Variants in ATP2C1 observed in about 807,000 individuals in gnomAD.
ATP2C1 encodes the protein calcium-transporting ATPase type 2C member 1.
A neutral mutation model predicts 120.5 loss-of-function variants in ATP2C1; 31 were observed. The ratio of observed to expected loss-of-function variants is 0.26; its 90% confidence interval spans 0.19 to 0.35. The LOEUF is 0.35. Among genes scored for constraint, ATP2C1 ranks in the 10% least tolerant of loss-of-function variants. The probability of loss-of-function intolerance (pLI) is 1.00; values close to 1 mark genes in which losing one functional copy is unlikely to be tolerated. For missense variants in ATP2C1, 731 were observed against 1,107.5 expected, an observed-to-expected ratio of 0.66 and a Z score of 4.83; for synonymous variants, 351 against 358.7, an observed-to-expected ratio of 0.98 and a Z score of 0.24.
chr3:130,962,690 G>C (rs1336692091), intron 12 of ATP2C1, among the ~76,000 whole-genome samples: 1 of 136,660 alleles, frequency 7.3e-6, no homozygotes, highest in African/African-American at 2.8e-5. Context: ...AAGTGATAAT[G>C]CCTGTTTTTC....
At chr3:130,991,558 A>C (rs1228335234) in intron 20 of ATP2C1, among the ~76,000 whole-genome samples, 1 of 152,198 alleles carries the variant, frequency 6.6e-6, no homozygotes, top group South Asian at 2.1e-4. Context: ...AAAAAAAATA[A>C]AGAAAAAAAA....
exon 27 of ATP2C1, chr3:131,016,158 C>T (rs2063624222): frequency 6.2e-7 from 1 of 1,613,724 alleles, no homozygotes; most frequent in African/African-American, 1.3e-5. Context: ...TTAGGTCTGG[C>T]TCTGGGAGAG....
At chr3:130,985,702 A>C (rs1348445395) in intron 20 of ATP2C1, among the ~76,000 whole-genome samples, 2 of 152,012 alleles carry the variant, frequency 1.3e-5, no homozygotes, top group Admixed American at 6.6e-5. Flanking sequence ...AAACCTAAAA[A>C]GAAAATATGA....
At chr3:130,951,798 A>G (rs949446862) in intron 8 of ATP2C1, among the ~76,000 whole-genome samples, 3 of 152,176 alleles carry the variant, frequency 2.0e-5, no homozygotes, top group Admixed American at 1.3e-4. Flanking sequence ...TATTTTAAAG[A>G]ATAATTTTTG....
In ATP2C1 at chr3:130,930,517, C is replaced by T. The variant is rs775265411; in HGVS notation, c.108C>T (p.Ser36=). Reference sequence around the variant, plus strand: ...AATTACCAGTCAGTGAAGTTGCAAGCATTCTCCAAGTAAGTGGTTAGTGGG... The same window carrying T: ...AATTACCAGTCAGTGAAGTTGCAAGTATTCTCCAAGTAAGTGGTTAGTGGG... The part of the protein sequence containing the change: ...ASELPVSEVA[S]ILQADLQNGL... The change falls in exon 3 of 28, where the codon AGC becomes AGT. Residue 36 remains serine, a synonymous_variant. Coordinates refer to ENST00000510168, the MANE Select transcript of ATP2C1 (RefSeq NM_001378687.1). The T allele has an allele frequency of 5.6e-6, 9 of 1,604,224 alleles. No individual in the cohort carries two copies. The highest frequency in any genetic ancestry group is 1.1e-5 in the South Asian group (1 of 90,836).
Position 130,955,005 on chromosome 3 carries a change from C to G in ATP2C1, c.688-7C>G. 6.2e-7 allele frequency: 1 copy of G among 1,607,786 alleles called. No individual in the cohort carries two copies. Among genetic ancestry groups the G allele is most frequent in the Non-Finnish European group, 8.5e-7 (1 of 1,174,934 alleles). On this transcript the variant is annotated splice_polypyrimidine_tract_variant and splice_region_variant and intron_variant, in intron 9 of 27. Transcript: ENST00000510168. ...ATGTAAATGTATTTTCCTGTTTTTCCCCTTAGGGTGTTGTCATTGGAACAG... is the reference window on the plus strand; with the variant it reads ...ATGTAAATGTATTTTCCTGTTTTTCGCCTTAGGGTGTTGTCATTGGAACAG...
intron 27 of ATP2C1, 50 bp from the exon 28 acceptor site, chr3:131,001,170 C>T: frequency 7.3e-7 from 1 of 1,378,236 alleles, no homozygotes; most frequent in Non-Finnish European, 1.0e-6. Flanking sequence ...TTAAGCTTTG[C>T]AACTGTAAGT....
At position 130,979,436 on chromosome 3, in the gene ATP2C1, T is replaced by C; in HGVS notation, c.1741+17T>C. The C allele has an allele frequency of 6.2e-7, 1 of 1,612,082 alleles. No individual in the cohort carries two copies. The highest frequency in any genetic ancestry group is 8.5e-7 in the Non-Finnish European group (1 of 1,178,534). On this transcript the variant is annotated intron_variant, in intron 19 of 27. Transcript: ENST00000510168. ...TTGCAATCGGTATAACTAGACTGCT[T>C]TCTTTTGTTTTCGATAGTTTTTCTT... is the stretch of plus-strand genomic sequence containing the variant.
intron 6 of ATP2C1, 134 bp downstream of exon 6, chr3:130,937,597 A>G: frequency 1.3e-6 from 1 of 769,084 alleles, no homozygotes; most frequent in Non-Finnish European, 2.3e-6. Context: ...TTTTCAAGTA[A>G]TTTCAGATAC....
rs2062876070 is a variant in ATP2C1 at position 131,001,321 on chromosome 3, T to TCGA, written c.2733_2735dup (p.Thr912dup). 2 of 1,613,594 alleles carry TCGA rather than the reference T, an allele frequency of 1.2e-6. No homozygotes were observed. Among genetic ancestry groups the TCGA allele is most frequent in the Non-Finnish European group, 1.7e-6 (2 of 1,179,678 alleles). On this transcript the variant is annotated inframe_insertion, in exon 28 of 28. Coordinates refer to ENST00000510168, the MANE Select transcript of ATP2C1 (RefSeq NM_001378687.1). ...GGAAAAGATCCAGAAGCATGTTAGT[T>TCGA]CGACATCATCATCTTTTCTTGAAGT...
intron 5 of ATP2C1, among the ~76,000 whole-genome samples, chr3:130,936,119 T>A (rs151197403): frequency 6.6e-6 from 1 of 152,148 alleles, no homozygotes; most frequent in South Asian, 2.1e-4. Flanking sequence ...TTTTGGAAAA[T>A]TTGTATGCAC....
intron 7 of ATP2C1, among the ~76,000 whole-genome samples, chr3:130,941,073 C>A (rs1343547439): frequency 1.3e-5 from 2 of 151,720 alleles, no homozygotes; most frequent in Non-Finnish European, 2.9e-5. Flanking sequence ...TGCCACCACG[C>A]CCAGATTATC....
intron 8 of ATP2C1, among the ~76,000 whole-genome samples, chr3:130,952,852 C>T (rs561720732): frequency 6.6e-5 from 10 of 152,230 alleles, no homozygotes; most frequent in Non-Finnish European, 1.3e-4. Context: ...TTACTTTTTC[C>T]ACCCTGTGTT....
At chr3:130,949,043 A>T (rs2060262447) in intron 8 of ATP2C1, among the ~76,000 whole-genome samples, 1 of 152,150 alleles carries the variant, frequency 6.6e-6, no homozygotes, top group Non-Finnish European at 1.5e-5. Context: ...ATGGAAATTA[A>T]GCCAATTAAT....
chr3:130,939,753 G>A (rs994942632), intron 6 of ATP2C1, among the ~76,000 whole-genome samples: 9 of 152,178 alleles, frequency 5.9e-5, no homozygotes, highest in Non-Finnish European at 1.0e-4. Flanking sequence ...GAGACTGATT[G>A]TGTTCTAAGT....
At chr3:130,865,232 C>T (rs1393424542) in intron 1 of ATP2C1, among the ~76,000 whole-genome samples, 3 of 152,116 alleles carry the variant, frequency 2.0e-5, no homozygotes, top group Non-Finnish European at 4.4e-5. Context: ...TTGTATGGGC[C>T]TCGTAACCCC....
In ATP2C1 at chr3:131,001,903, G is replaced by T; in HGVS notation, c.*553G>T. ...TTTTTGTATCAAGTTTTTTGCACAG[G>T]ATGTGACCACTGTCAGATCACTGTT... is the stretch of plus-strand genomic sequence containing the variant. On this transcript the variant is annotated 3_prime_UTR_variant, in exon 28 of 28. Coordinates refer to ENST00000510168, the MANE Select transcript of ATP2C1 (RefSeq NM_001378687.1). 1 of 985,362 alleles carries T rather than the reference G, an allele frequency of 1.0e-6. No homozygotes were observed. Among genetic ancestry groups the T allele is most frequent in the Non-Finnish European group, 1.2e-6 (1 of 829,556 alleles). The allele number at this position is 985,362 out of a possible 1,614,324, so 61.0% of individuals were successfully genotyped here.
chr3:130,941,736 G>A (rs368605790), intron 8 of ATP2C1, 37 bp downstream of exon 8: 9 of 1,454,042 alleles, frequency 6.2e-6, no homozygotes, highest in East Asian at 2.3e-5. Flanking sequence ...GTGAAAATAC[G>A]TGGATGTAGA....
chr3:130,863,514 AAGAT>A (rs1307669051), intron 1 of ATP2C1, among the ~76,000 whole-genome samples: 1 of 152,346 alleles, frequency 6.6e-6, no homozygotes, highest in African/African-American at 2.4e-5. Context: ...TCACTAAAGA[AAGAT>A]AAAGTCTTTA....
Sources: allele counts gnomAD v4.1 joint callset (sites outside exome capture counted in the v4.1 genomes callset), GRCh38; gene constraint gnomAD v4.1.1; transcripts MANE v1.5; gene names NCBI Gene and HGNC (gene_info 2026-07-23, HGNC 2026-07-21).